Variants in CSMD2 observed in about 807,000 individuals in gnomAD.
CSMD2 encodes CUB and sushi domain-containing protein 2.
CSMD2 carries 130 observed loss-of-function variants against 398.5 expected under a neutral mutation model. The observed-to-expected ratio is 0.33, with a 90% CI of 0.28 to 0.38. The LOEUF (loss-of-function observed/expected upper bound fraction) is 0.38, where lower values mean the gene tolerates loss of function less well. CSMD2 is among the 10% of genes least tolerant of loss of function. The pLI is 1.00. For missense variants in CSMD2, 3,829 were observed against 4,764.9 expected, an observed-to-expected ratio of 0.80 and a Z score of 5.78; for synonymous variants, 1,828 against 1,908.5, an observed-to-expected ratio of 0.96 and a Z score of 1.10.
At chr1:33,662,451 T>C (rs115918686) in intron 26 of CSMD2, among the ~76,000 whole-genome samples, 2,632 of 152,288 alleles carry the variant, frequency 0.017, 29 homozygotes, top group Non-Finnish European at 0.028. Flanking sequence ...GGATGCCCTT[T>C]TCTCTCTTTT....
At chr1:34,159,335 C>CT (rs1553123897) in intron 1 of CSMD2, among the ~76,000 whole-genome samples, 1 of 81,054 alleles carries the variant, frequency 1.2e-5, no homozygotes, top group Non-Finnish European at 2.7e-5. Flanking sequence ...CCTGCCCCCC[C>CT]CCCACCCAGG....
chr1:33,793,083 G>T (rs1654518330), intron 10 of CSMD2, among the ~76,000 whole-genome samples: 1 of 152,306 alleles, frequency 6.6e-6, no homozygotes, highest in South Asian at 2.1e-4. Context: ...ATGCCAGGCT[G>T]GGCGGTGGGT....
chr1:34,033,480 GAA>G (rs1433116862), intron 2 of CSMD2, among the ~76,000 whole-genome samples: 5 of 152,184 alleles, frequency 3.3e-5, no homozygotes, highest in African/African-American at 4.8e-5. Context: ...TCCTCTAAGG[GAA>G]AAAGATACCA....
chr1:33,636,487 C>G lies in CSMD2; in HGVS notation c.4842G>C (p.Leu1614=), dbSNP rs1425281616. 1 of 1,614,166 alleles carries G rather than the reference C, an allele frequency of 6.2e-7. No individual in the cohort carries two copies. Among genetic ancestry groups the G allele is most frequent in the Non-Finnish European group, 8.5e-7 (1 of 1,180,030 alleles). The change falls in exon 30 of 71, where the codon CTG becomes CTC. Residue 1614 remains leucine (L), a synonymous_variant. Transcript: ENST00000373381. The surrounding 1 kb of genome is among the most constrained non-coding windows in gnomAD (Gnocchi z 4.8). ...AGTAGGTGACGGAGGAGCCCAGCTT[C>G]AGGTCGGACCCCACCCGTGTGCCGT... ...IKNGTRVGSD[L]KLGSSVTYYC...
chr1:33,522,383 C>T (rs1158719245), intron 67 of CSMD2, among the ~76,000 whole-genome samples: 4 of 152,232 alleles, frequency 2.6e-5, no homozygotes, highest in Non-Finnish European at 4.4e-5. Context: ...CATGTCCCAA[C>T]TTTGACCCTC....
At chr1:33,955,426 C>CA (rs1645136056) in intron 3 of CSMD2, among the ~76,000 whole-genome samples, 1 of 152,040 alleles carries the variant, frequency 6.6e-6, no homozygotes, top group South Asian at 2.1e-4. Context: ...CAAGTTGGCC[C>CA]AAAAAATAGA....
At chr1:33,569,914 A>T (rs1377033317) in intron 51 of CSMD2, among the ~76,000 whole-genome samples, 12 of 152,174 alleles carry the variant, frequency 7.9e-5, no homozygotes. Flanking sequence ...AGACACTGCT[A>T]ATCAATTTCC....
At chr1:33,615,995 G>A (rs1311547834) in intron 39 of CSMD2, among the ~76,000 whole-genome samples, 1 of 152,154 alleles carries the variant, frequency 6.6e-6, no homozygotes, top group African/African-American at 2.4e-5. Flanking sequence ...GCAAATTGAG[G>A]GTAATGGTAC....
chr1:34,052,365 A>G lies in CSMD2; in HGVS notation c.405-19659T>C, dbSNP rs1038801678. On this transcript the variant is annotated intron_variant, in intron 2 of 70. Coordinates refer to ENST00000373381, the MANE Select transcript of CSMD2 (RefSeq NM_001281956.2). ...AGGTATTGTCAGTAATCTAGAGATG[A>G]TTTAAGGGATATGGGAGGATATGGG... Among the ~76,000 whole-genome samples, 3 of 151,998 alleles carry G rather than the reference A, an allele frequency of 2.0e-5. 1 individual carries two copies. The highest frequency in any genetic ancestry group is 7.3e-5 in the African/African-American group (3 of 41,370).
intron 3 of CSMD2, among the ~76,000 whole-genome samples, chr1:33,956,075 G>A (rs1362709452): frequency 1.3e-5 from 2 of 152,092 alleles, no homozygotes; most frequent in African/African-American, 2.4e-5. Flanking sequence ...TACCAACTAT[G>A]AGATCCTGGC....
intron 2 of CSMD2, among the ~76,000 whole-genome samples, chr1:34,086,539 A>G (rs1466907445): frequency 1.3e-5 from 2 of 152,134 alleles, no homozygotes; most frequent in African/African-American, 4.8e-5. Flanking sequence ...TTCCATAATC[A>G]TTAAGGCCAA....
intron 7 of CSMD2, among the ~76,000 whole-genome samples, chr1:33,823,395 T>A (rs1364560409): frequency 2.7e-4 from 5 of 18,524 alleles, no homozygotes; most frequent in Admixed American, 6.1e-4. Context: ...TCCCTTTCTT[T>A]TTTTTTTTTT....
chr1:33,880,058 T>G (rs1192758566), intron 5 of CSMD2, among the ~76,000 whole-genome samples: 1 of 152,178 alleles, frequency 6.6e-6, no homozygotes, highest in Non-Finnish European at 1.5e-5. Flanking sequence ...GTTAAGTAAA[T>G]TGCTCAAAGT....
chr1:33,631,138 A>G (rs999955755), intron 32 of CSMD2, among the ~76,000 whole-genome samples: 6 of 152,086 alleles, frequency 3.9e-5, no homozygotes, highest in African/African-American at 1.4e-4. Context: ...CCACAAAAAC[A>G]CAAAACACCT....
chr1:33,725,620 G>A, intron 16 of CSMD2, 84 bp from the exon 17 acceptor site: 1 of 1,323,362 alleles, frequency 7.6e-7, no homozygotes, highest in Non-Finnish European at 1.1e-6. Flanking sequence ...CTGACCCAGG[G>A]CTTCCGAATA....
chr1:34,064,786 CGAGACTGG>C (rs1412219848), intron 2 of CSMD2, among the ~76,000 whole-genome samples: 1 of 152,064 alleles, frequency 6.6e-6, no homozygotes, highest in Non-Finnish European at 1.5e-5. Context: ...AAGACATACC[CGAGACTGG>C]GAAGAAAAAG....
At chr1:33,984,076 C>T (rs1646263501) in intron 3 of CSMD2, among the ~76,000 whole-genome samples, 1 of 152,080 alleles carries the variant, frequency 6.6e-6, no homozygotes, top group East Asian at 1.9e-4. Context: ...ATGGCGTGAA[C>T]CCTGGAGGCG....
chr1:34,108,842 C>T (rs1660773761), intron 1 of CSMD2, among the ~76,000 whole-genome samples: 1 of 152,114 alleles, frequency 6.6e-6, no homozygotes, highest in African/African-American at 2.4e-5. Context: ...ATAGGGAGGG[C>T]AATCCTTGCA....
chr1:33,602,296 C>T (rs1235130844), intron 43 of CSMD2, 73 bp downstream of exon 43: 1 of 1,510,872 alleles, frequency 6.6e-7, no homozygotes, highest in Non-Finnish European at 9.1e-7. Flanking sequence ...CAATAGGTAA[C>T]TGACTGGTAA....
Sources: gnomAD v4.1 joint callset for allele counts (sites outside exome capture counted in the v4.1 genomes callset) on GRCh38, gnomAD v4.1.1 for gene constraint, Gnocchi (gnomAD v3.1) non-coding constraint, MANE v1.5 for transcripts, NCBI Gene and HGNC (gene_info 2026-07-23, HGNC 2026-07-21) for gene names.